Variants in NAALADL2 observed in about 807,000 individuals in gnomAD.
The protein encoded by NAALADL2 is inactive N-acetylated-alpha-linked acidic dipeptidase-like protein 2.
NAALADL2 carries 76 observed loss-of-function variants against 87.2 expected under a neutral mutation model. The ratio of observed to expected loss-of-function variants is 0.87; its 90% CI spans 0.72 to 1.05. The LOEUF (loss-of-function observed/expected upper bound fraction) is 1.05. NAALADL2 is among the 50% of genes least tolerant of loss of function. The probability of loss-of-function intolerance (pLI) is 0.00; values close to 1 mark genes in which losing one functional copy is unlikely to be tolerated. For synonymous variants in NAALADL2, 354 were observed against 331.0 expected (o/e 1.07, Z -0.75); for missense variants, 1,089 against 945.8 (o/e 1.15, Z -1.99).
intron 2 of NAALADL2, among the ~76,000 whole-genome samples, chr3:174,694,622 A>C (rs1039603975): frequency 4.6e-5 from 7 of 152,032 alleles, no homozygotes; most frequent in Non-Finnish European, 1.0e-4. Flanking sequence ...GATGTCATCA[A>C]GGTAACTTTT....
chr3:175,419,811 C>T (rs1184481952), intron 5 of NAALADL2, among the ~76,000 whole-genome samples: 2 of 151,822 alleles, frequency 1.3e-5, no homozygotes, highest in African/African-American at 2.4e-5. Flanking sequence ...AACTATTTGA[C>T]TATGAGGTGG....
chr3:175,703,697 C>T (rs183551509), intron 11 of NAALADL2, among the ~76,000 whole-genome samples: 4 of 152,030 alleles, frequency 2.6e-5, no homozygotes, highest in Non-Finnish European at 4.4e-5. Context: ...GAGCTGAGAT[C>T]GTGCCACTGC....
At chr3:174,629,028 T>A (rs192437571) in intron 2 of NAALADL2, among the ~76,000 whole-genome samples, 1 of 152,312 alleles carries the variant, frequency 6.6e-6, no homozygotes, top group African/African-American at 2.4e-5. Flanking sequence ...TTGTGTTTAG[T>A]CCTGCTAAAT....
intron 2 of NAALADL2, among the ~76,000 whole-genome samples, chr3:175,123,625 C>T (rs1480502870): frequency 6.6e-6 from 1 of 151,922 alleles, no homozygotes; most frequent in Non-Finnish European, 1.5e-5. Context: ...CTACCGTTTA[C>T]TTTCCATGTG....
chr3:175,028,767 C>T (rs1245703884), intron 1 of NAALADL2, among the ~76,000 whole-genome samples: 2 of 151,866 alleles, frequency 1.3e-5, no homozygotes, highest in Admixed American at 1.3e-4. Flanking sequence ...TTCCACCTCT[C>T]AATACTTTTT....
chr3:174,932,792 G>A (rs1990227812), intron 1 of NAALADL2, among the ~76,000 whole-genome samples: 1 of 152,164 alleles, frequency 6.6e-6, no homozygotes, highest in Non-Finnish European at 1.5e-5. Context: ...TACCTTTAGT[G>A]TAATATGTTA....
chr3:174,941,172 C>A (rs897961348), intron 1 of NAALADL2, among the ~76,000 whole-genome samples: 1 of 152,036 alleles, frequency 6.6e-6, no homozygotes, highest in African/African-American at 2.4e-5. Flanking sequence ...ACTGTCTTAG[C>A]TGGATCCCAG....
At chr3:175,640,509 A>G (rs1729137455) in intron 11 of NAALADL2, among the ~76,000 whole-genome samples, 1 of 152,178 alleles carries the variant, frequency 6.6e-6, no homozygotes, top group South Asian at 2.1e-4. Flanking sequence ...AGGAAAACTG[A>G]GTTACTTAGT....
intron 2 of NAALADL2, among the ~76,000 whole-genome samples, chr3:175,217,185 A>G (rs1237598505): frequency 6.6e-6 from 1 of 152,196 alleles, no homozygotes; most frequent in Admixed American, 6.6e-5. Flanking sequence ...TATGTATGCA[A>G]TGAGTATACC....
In NAALADL2 at chr3:175,414,758, A is replaced by G. The variant is rs1383257678; in HGVS notation, c.1091-32471A>G. On this transcript the variant is annotated intron_variant, in intron 5 of 13. Transcript: ENST00000454872. Reference sequence around the variant, plus strand: ...CAAACATGAAAGTGGTCTTGATTTTAGTGTAGATCCAAGTCCAAATTGGTT... The same window carrying G: ...CAAACATGAAAGTGGTCTTGATTTTGGTGTAGATCCAAGTCCAAATTGGTT... Among the ~76,000 whole-genome samples, 6 of 152,152 alleles carry G rather than the reference A, an allele frequency of 3.9e-5. No homozygotes were observed. The East Asian group carries it at 9.6e-4, about 24-fold the overall frequency.
intron 9 of NAALADL2, among the ~76,000 whole-genome samples, chr3:175,522,893 CATCCAACTGTAT>C (rs1732846757): frequency 6.6e-6 from 1 of 152,190 alleles, no homozygotes; most frequent in South Asian, 2.1e-4. Context: ...CCCTTAAAAT[CATCCAACTGTAT>C]ATAAGGTTCA....
chr3:175,093,417 TA>T (rs1340540190), intron 1 of NAALADL2, among the ~76,000 whole-genome samples: 2 of 133,200 alleles, frequency 1.5e-5, no homozygotes, highest in African/African-American at 5.5e-5. Context: ...TTTATTTTTT[TA>T]TATATATATA....
chr3:175,600,828 C>T (rs528233058), intron 10 of NAALADL2, among the ~76,000 whole-genome samples: 2 of 152,202 alleles, frequency 1.3e-5, no homozygotes, highest in East Asian at 1.9e-4. Context: ...TGAGCCACCG[C>T]GCCCGGCCGT....
chr3:175,590,187 G>A lies in NAALADL2; in HGVS notation c.1800+14000G>A, dbSNP rs1033856770. On this transcript the variant is annotated intron_variant, in intron 10 of 13. Coordinates refer to ENST00000454872, the MANE Select transcript of NAALADL2 (RefSeq NM_207015.3). ...AGATTGGGCCACTGCACTCCAGCCT[G>A]GGCGACAGAGCGAGACTCCGTCTAA... is the stretch of plus-strand genomic sequence containing the variant. Among the ~76,000 whole-genome samples, 47 of 150,768 alleles carry A rather than the reference G, an allele frequency of 3.1e-4. 1 individual carries two copies. The highest frequency in any genetic ancestry group is 1.1e-3 in the African/African-American group (47 of 40,960).
intron 2 of NAALADL2, among the ~76,000 whole-genome samples, chr3:175,099,828 T>G (rs1051571465): frequency 1.3e-5 from 2 of 152,138 alleles, no homozygotes; most frequent in African/African-American, 4.8e-5. Context: ...GGACTAAACT[T>G]GTTTGTCCAC....
chr3:174,977,726 A>C (rs557335204), intron 1 of NAALADL2, among the ~76,000 whole-genome samples: 1 of 152,282 alleles, frequency 6.6e-6, no homozygotes, highest in East Asian at 1.9e-4. Context: ...GGCCCTGGAT[A>C]ATCCAGTTTT....
intron 9 of NAALADL2, among the ~76,000 whole-genome samples, chr3:175,481,410 G>A (rs937982760): frequency 2.7e-5 from 4 of 150,520 alleles, no homozygotes; most frequent in African/African-American, 9.8e-5. Flanking sequence ...CAATTAGGAA[G>A]CTTGGGGAAC....
chr3:175,330,688 C>G (rs1484698597), intron 5 of NAALADL2, among the ~76,000 whole-genome samples: 2 of 151,860 alleles, frequency 1.3e-5, no homozygotes, highest in Non-Finnish European at 2.9e-5. Context: ...AGCAAAAACA[C>G]CTATATCAAA....
intron 1 of NAALADL2, among the ~76,000 whole-genome samples, chr3:174,936,846 G>T (rs2108447470): frequency 6.6e-6 from 1 of 152,260 alleles, no homozygotes; most frequent in South Asian, 2.1e-4. Context: ...TGGAGAGAAA[G>T]AGAGTTTGCA....
Sources: allele counts gnomAD v4.1 joint callset (sites outside exome capture counted in the v4.1 genomes callset), GRCh38; gene constraint gnomAD v4.1.1; transcripts MANE v1.5; gene names NCBI Gene and HGNC (gene_info 2026-07-23, HGNC 2026-07-21).